The following DENND5A variants were observed in gnomAD, a reference collection of about 807,000 sequenced individuals.
DENND5A encodes the protein DENN domain-containing protein 5A.
In DENND5A, 64 loss-of-function variants were observed where a neutral mutation model predicts 140.3. The ratio of observed to expected loss-of-function variants is 0.46; its 90% CI spans 0.37 to 0.56. The LOEUF (loss-of-function observed/expected upper bound fraction) is 0.56, where lower values mean the gene tolerates loss of function less well. Ranked by LOEUF, DENND5A falls within the 20% of genes least tolerant of loss-of-function variation. The pLI is 0.00. For missense variants in DENND5A, 1,292 were observed against 1,593.8 expected (o/e 0.81, Z 3.22); for synonymous variants, 605 against 607.7 (o/e 1.00, Z 0.07).
intron 1 of DENND5A, among the ~76,000 whole-genome samples, chr11:9,216,132 T>C (rs534417934): frequency 2.6e-5 from 4 of 152,244 alleles, no homozygotes; most frequent in Non-Finnish European, 5.9e-5. Context: ...ATTAAGGACC[T>C]AACTTGGCTA....
intron 1 of DENND5A, among the ~76,000 whole-genome samples, chr11:9,210,416 T>C (rs938664041): frequency 3.9e-5 from 6 of 152,256 alleles, no homozygotes; most frequent in African/African-American, 9.6e-5. Flanking sequence ...TTTGTGAATC[T>C]GCTTCCAAGG....
chr11:9,193,270 A>T (rs1326477847), intron 5 of DENND5A, among the ~76,000 whole-genome samples: 1 of 152,220 alleles, frequency 6.6e-6, no homozygotes, highest in Non-Finnish European at 1.5e-5. Flanking sequence ...AAATACAGAA[A>T]TTACAATGTA....
intron 8 of DENND5A, chr11:9,171,182 G>C (rs762384306): frequency 1.8e-5 from 3 of 167,458 alleles, no homozygotes; most frequent in Non-Finnish European, 3.9e-5. Flanking sequence ...AGAATCCAGG[G>C]GATCTGCAGG....
chr11:9,238,346 C>CAT (rs1387975985), intron 1 of DENND5A, among the ~76,000 whole-genome samples: 1 of 99,096 alleles, frequency 1.0e-5, no homozygotes, highest in African/African-American at 5.2e-5. Flanking sequence ...TGATTAAATG[C>CAT]ATGTGTGTGT....
intron 6 of DENND5A, 115 bp from the exon 7 acceptor site, chr11:9,179,188 G>A: frequency 2.6e-5 from 22 of 830,624 alleles, no homozygotes; most frequent in South Asian, 7.3e-5. Flanking sequence ...TTACTTAGCA[G>A]GAAATGATGA....
chr11:9,225,442 A>C (rs1850488602), intron 1 of DENND5A, among the ~76,000 whole-genome samples: 1 of 152,094 alleles, frequency 6.6e-6, no homozygotes, highest in Admixed American at 6.6e-5. Context: ...ACATATTCTT[A>C]GTGGGCAGAT....
At chr11:9,176,875 G>C (rs1270356370) in intron 8 of DENND5A, 1 of 456,080 alleles carries the variant, frequency 2.2e-6, no homozygotes, top group Non-Finnish European at 4.4e-6. Context: ...CCATGCACTT[G>C]AGGTTGATCA....
In DENND5A at chr11:9,174,651, G is replaced by A. The variant is rs138270626; in HGVS notation, c.1906+3481C>T. Among the ~76,000 whole-genome samples, 546 of 151,164 alleles carry A rather than the reference G, an allele frequency of 3.6e-3. 1 individual carries two copies. The highest frequency in any genetic ancestry group is 6.1e-3 in the Non-Finnish European group (412 of 67,892). ...CTAGTTCAAAGTTACAGAAAACCAC[G>A]GCCACACCACTGCACTCTAGCCTGA... On this transcript the variant is annotated intron_variant, in intron 8 of 22. Transcript: ENST00000328194.
At chr11:9,230,958 G>A (rs1850744306) in intron 1 of DENND5A, among the ~76,000 whole-genome samples, 1 of 151,918 alleles carries the variant, frequency 6.6e-6, no homozygotes, top group South Asian at 2.1e-4. Context: ...CTCTAGCCTG[G>A]GTGACAGAGC....
chr11:9,212,331 T>C lies in DENND5A; in HGVS notation c.110-4699A>G, dbSNP rs149000880. 2.2e-3 allele frequency among the ~76,000 whole-genome samples: 337 copies of C among 151,946 alleles called. 2 individuals carry two copies. Among genetic ancestry groups the C allele is most frequent in the African/African-American group, 7.8e-3 (323 of 41,452 alleles). On this transcript the variant is annotated intron_variant, in intron 1 of 22. Coordinates refer to ENST00000328194, the MANE Select transcript of DENND5A (RefSeq NM_015213.4). ...TATAATTGGAGTTCCAGAAGGAAAA[T>C]AGAAAGAATGAGGCAGAAAACAATA... is the stretch of plus-strand genomic sequence containing the variant.
chr11:9,215,610 C>T (rs1205636098), intron 1 of DENND5A, among the ~76,000 whole-genome samples: 2 of 150,150 alleles, frequency 1.3e-5, no homozygotes, highest in Non-Finnish European at 2.9e-5. Context: ...TGCAGTGGCA[C>T]GAACTCAGCT....
chr11:9,216,174 T>TG (rs1179365831), intron 1 of DENND5A, among the ~76,000 whole-genome samples: 1 of 152,248 alleles, frequency 6.6e-6, no homozygotes, highest in African/African-American at 2.4e-5. Flanking sequence ...AACAATTTAC[T>TG]GAGTCTTGTG....
intron 11 of DENND5A, among the ~76,000 whole-genome samples, chr11:9,164,163 C>A (rs1590222278): frequency 8.6e-6 from 1 of 115,914 alleles, no homozygotes; most frequent in African/African-American, 3.3e-5. Flanking sequence ...ACCAAAGTAG[C>A]TGGGACTAAA....
chr11:9,257,186 T>C lies in DENND5A; in HGVS notation c.109+7775A>G, dbSNP rs796603760. Among the ~76,000 whole-genome samples the C allele has an allele frequency of 2.1e-4, 32 of 151,998 alleles. 1 individual carries two copies. The highest frequency in any genetic ancestry group is 7.7e-4 in the African/African-American group (32 of 41,454). On this transcript the variant is annotated intron_variant, in intron 1 of 22. Transcript: ENST00000328194. ...CACCACGCCCGGCTAATTTTTGTAT[T>C]TTTAGTAGAGACGGGGTTTCATCGT...
chr11:9,196,142 G>A (rs984042114), intron 4 of DENND5A, among the ~76,000 whole-genome samples: 1 of 152,048 alleles, frequency 6.6e-6, no homozygotes, highest in Non-Finnish European at 1.5e-5. Flanking sequence ...TAGTAGAGAA[G>A]GAGTTTCATC....
chr11:9,206,215 A>C (rs1849687503), intron 3 of DENND5A, among the ~76,000 whole-genome samples: 1 of 152,224 alleles, frequency 6.6e-6, no homozygotes, highest in African/African-American at 2.4e-5. Context: ...TCCACATGAG[A>C]TTTTTAAATG....
chr11:9,166,762 G>A (rs889006547), intron 10 of DENND5A, among the ~76,000 whole-genome samples: 7 of 152,058 alleles, frequency 4.6e-5, no homozygotes, highest in Non-Finnish European at 7.4e-5. Flanking sequence ...AACCCGGGAG[G>A]TGGAGGTTGT....
intron 1 of DENND5A, among the ~76,000 whole-genome samples, chr11:9,250,646 C>A (rs1017146048): frequency 2.0e-5 from 3 of 152,014 alleles, no homozygotes; most frequent in Non-Finnish European, 4.4e-5. Flanking sequence ...TTATTTCAAG[C>A]GGGGCTAAAA....
At chr11:9,163,903 A>G (rs1186625083) in intron 11 of DENND5A, among the ~76,000 whole-genome samples, 1 of 121,608 alleles carries the variant, frequency 8.2e-6, no homozygotes, top group East Asian at 2.0e-4. Context: ...GGCAGAAGAG[A>G]CAAAATTGTA....
Sources: gnomAD v4.1 joint callset for allele counts (sites outside exome capture counted in the v4.1 genomes callset) on GRCh38, gnomAD v4.1.1 for gene constraint, MANE v1.5 for transcripts, NCBI Gene and HGNC (gene_info 2026-07-23, HGNC 2026-07-21) for gene names.